The following TRPM3 variants were observed in gnomAD, a reference collection of about 807,000 sequenced individuals.
TRPM3 encodes the protein long transient receptor potential channel 3.
TRPM3 carries 77 observed loss-of-function variants against 181.2 expected under a neutral mutation model. The ratio of observed to expected loss-of-function variants is 0.42; its 90% CI spans 0.35 to 0.51. The LOEUF (loss-of-function observed/expected upper bound fraction) is 0.51, where lower values mean the gene tolerates loss of function less well. TRPM3 is among the 20% of genes least tolerant of loss of function. The pLI is 0.01. For missense variants in TRPM3, 1,759 were observed against 2,196.7 expected (o/e 0.80, Z 3.98); for synonymous variants, 745 against 796.4 (o/e 0.94, Z 1.09).
chr9:70,754,814 G>T (rs2076769646), intron 8 of TRPM3, among the ~76,000 whole-genome samples: 1 of 152,160 alleles, frequency 6.6e-6, no homozygotes, highest in South Asian at 2.1e-4. Flanking sequence ...ACGATGCAAT[G>T]CCTCCTTGTT....
intron 1 of TRPM3, among the ~76,000 whole-genome samples, chr9:71,219,683 A>T (rs887858042): frequency 7.2e-5 from 11 of 152,242 alleles, no homozygotes. Context: ...ACTGTTTTAG[A>T]TACTGACATG....
intron 1 of TRPM3, among the ~76,000 whole-genome samples, chr9:71,351,876 G>GGT: frequency 7.1e-6 from 1 of 141,684 alleles, no homozygotes; most frequent in African/African-American, 2.6e-5. Context: ...GTTTGTTTTT[G>GGT]TTTTTTTTTT....
intron 1 of TRPM3, among the ~76,000 whole-genome samples, chr9:71,114,584 G>A (rs17521930): frequency 0.012 from 1,806 of 152,170 alleles, 25 homozygotes; most frequent in Middle Eastern, 0.027. Flanking sequence ...GTCCAGAATC[G>A]TTGGTTAGTT....
chr9:71,282,125 A>AAAGGAAAAG, intron 1 of TRPM3, among the ~76,000 whole-genome samples: 1 of 93,284 alleles, frequency 1.1e-5, no homozygotes, highest in Non-Finnish European at 2.5e-5. Flanking sequence ...AAAAAGAAAG[A>AAAGGAAAAG]ACGAAAGAAA....
intron 1 of TRPM3, among the ~76,000 whole-genome samples, chr9:70,934,973 T>C (rs184319893): frequency 2.0e-5 from 3 of 152,186 alleles, no homozygotes; most frequent in Non-Finnish European, 4.4e-5. Context: ...GCCTTTTCCA[T>C]AGTAGCAAGT....
chr9:70,753,224 A>AATTTCT (rs1181637022), intron 8 of TRPM3, among the ~76,000 whole-genome samples: 1 of 151,922 alleles, frequency 6.6e-6, no homozygotes, highest in African/African-American at 2.4e-5. Context: ...TAAATTTGAG[A>AATTTCT]ATTTCTATTT....
At chr9:71,219,682 G>A (rs985359988) in intron 1 of TRPM3, among the ~76,000 whole-genome samples, 6 of 152,184 alleles carry the variant, frequency 3.9e-5, no homozygotes, top group African/African-American at 1.4e-4. Flanking sequence ...AACTGTTTTA[G>A]ATACTGACAT....
At chr9:71,378,061 C>T (rs2092708076) in intron 1 of TRPM3, among the ~76,000 whole-genome samples, 1 of 151,908 alleles carries the variant, frequency 6.6e-6, no homozygotes, top group African/African-American at 2.4e-5. Flanking sequence ...ATTTCTAATA[C>T]ATATTTGTAA....
At chr9:71,364,301 T>C (rs564154769) in intron 1 of TRPM3, among the ~76,000 whole-genome samples, 7 of 152,326 alleles carry the variant, frequency 4.6e-5, no homozygotes, top group African/African-American at 1.7e-4. Flanking sequence ...AAACTAATTC[T>C]TGAACCATTT....
At chr9:70,952,268 A>G (rs1305199169) in intron 1 of TRPM3, among the ~76,000 whole-genome samples, 1 of 152,174 alleles carries the variant, frequency 6.6e-6, no homozygotes, top group East Asian at 1.9e-4. Context: ...CTGCAATTAC[A>G]TCTGAATTCT....
chr9:71,103,394 C>A (rs2068777444), intron 1 of TRPM3, among the ~76,000 whole-genome samples: 1 of 152,124 alleles, frequency 6.6e-6, no homozygotes, highest in Non-Finnish European at 1.5e-5. Context: ...AGTCTCTCAA[C>A]CTGCTGAGGT....
At chr9:71,075,134 T>C (rs1272058321) in intron 1 of TRPM3, among the ~76,000 whole-genome samples, 2 of 152,148 alleles carry the variant, frequency 1.3e-5, no homozygotes, top group African/African-American at 4.8e-5. Context: ...TTTAGGTTTT[T>C]GTTTCTGGTT....
chr9:70,609,695 A>AAGTGTT (rs1360890676), intron 19 of TRPM3, among the ~76,000 whole-genome samples: 1 of 152,234 alleles, frequency 6.6e-6, no homozygotes, highest in Non-Finnish European at 1.5e-5. Context: ...AGTCAATGTT[A>AAGTGTT]AGTGTTAGCA....
chr9:71,413,184 C>T (rs978154479), intron 1 of TRPM3, among the ~76,000 whole-genome samples: 1 of 152,006 alleles, frequency 6.6e-6, no homozygotes, highest in African/African-American at 2.4e-5. Flanking sequence ...CAACATGCCA[C>T]ATGTATACAT....
chr9:71,206,698 C>T (rs996422631), intron 1 of TRPM3, among the ~76,000 whole-genome samples: 20 of 152,140 alleles, frequency 1.3e-4, no homozygotes, highest in African/African-American at 4.1e-4. Context: ...AGGTTTTCTT[C>T]TAGGATTTTT....
In TRPM3 at chr9:71,389,081, T is replaced by C. The variant is rs139355276; in HGVS notation, c.183+57572A>G. Among the ~76,000 whole-genome samples, 335 of 152,132 alleles carry C rather than the reference T, an allele frequency of 2.2e-3. 1 individual carries two copies. The highest frequency in any genetic ancestry group is 7.7e-3 in the African/African-American group (321 of 41,502). ...CTTATTTAGAAGAAAATCTTCACCATCTATACATCTGACAAGGGACTAATA... is the reference window on the plus strand; with the variant it reads ...CTTATTTAGAAGAAAATCTTCACCACCTATACATCTGACAAGGGACTAATA... On this transcript the variant is annotated intron_variant, in intron 1 of 24. Transcript: ENST00000357533.
intron 1 of TRPM3, among the ~76,000 whole-genome samples, chr9:70,936,275 C>A (rs569004057): frequency 2.3e-4 from 35 of 152,248 alleles, no homozygotes; most frequent in Non-Finnish European, 2.6e-4. Flanking sequence ...CTTGATTGAA[C>A]TTTCAAGGAT....
chr9:71,136,237 T>C (rs2074758645), intron 1 of TRPM3, among the ~76,000 whole-genome samples: 1 of 152,150 alleles, frequency 6.6e-6, no homozygotes, highest in Non-Finnish European at 1.5e-5. Flanking sequence ...GCTGAAAACA[T>C]CAATTATGTA....
At chr9:70,620,037 C>T in intron 16 of TRPM3, 39 bp downstream of exon 16, 2 of 1,566,680 alleles carry the variant, frequency 1.3e-6, no homozygotes, top group South Asian at 1.2e-5. Flanking sequence ...ACCTTTCCTC[C>T]TCTCCCCCTG....
Sources: gnomAD v4.1 joint callset for allele counts (sites outside exome capture counted in the v4.1 genomes callset) on GRCh38, gnomAD v4.1.1 for gene constraint, MANE v1.5 for transcripts, NCBI Gene and HGNC (gene_info 2026-07-23, HGNC 2026-07-21) for gene names.